Variants in GPN3 observed in about 807,000 individuals in gnomAD.
GPN3 encodes GPN-loop GTPase 3.
A neutral mutation model predicts 38.7 loss-of-function variants in GPN3; 31 were observed. The observed-to-expected ratio is 0.80, with a 90% confidence interval of 0.60 to 1.08. GPN3 has a LOEUF of 1.08. Among genes scored for constraint, GPN3 ranks in the 50% least tolerant of loss-of-function variants. The probability of loss-of-function intolerance (pLI) is 0.00; values close to 1 mark genes in which losing one functional copy is unlikely to be tolerated. For synonymous variants in GPN3, 116 were observed against 120.2 expected (o/e 0.96, Z 0.23); for missense variants, 301 against 354.4 (o/e 0.85, Z 1.21).
At position 110,459,875 on chromosome 12, in the gene GPN3, G is replaced by C; in HGVS notation, c.158-13C>G. 2 of 1,609,544 alleles carry C rather than the reference G, an allele frequency of 1.2e-6. No homozygotes were observed. Among genetic ancestry groups the C allele is most frequent in the Non-Finnish European group, 1.7e-6 (2 of 1,175,948 alleles). On this transcript the variant is annotated splice_polypyrimidine_tract_variant and intron_variant, in intron 2 of 7. Transcript: ENST00000228827. ...AGTTCCCGGATGTCTGAAAAGGACA[G>C]ATAGGGCCCAGAATATATGTGTCCC...
intron 2 of GPN3, among the ~76,000 whole-genome samples, chr12:110,462,162 A>G (rs1313733509): frequency 6.6e-6 from 1 of 152,150 alleles, no homozygotes; most frequent in Non-Finnish European, 1.5e-5. Flanking sequence ...TTTTTAACTA[A>G]GCTAGCTTAG....
chr12:110,454,757 G>A (rs894225460), intron 6 of GPN3, among the ~76,000 whole-genome samples: 1 of 151,802 alleles, frequency 6.6e-6, no homozygotes, highest in Admixed American at 6.6e-5. Context: ...TGACCTCCCA[G>A]GCTCAAGGGA....
intron 2 of GPN3, chr12:110,461,329 C>A: frequency 7.0e-6 from 5 of 717,210 alleles, no homozygotes; most frequent in Non-Finnish European, 4.7e-6. Context: ...TCACCACTTT[C>A]AAAAATCTAC....
Position 110,458,546 on chromosome 12 carries a change from C to T in GPN3, c.326-912G>A, listed in dbSNP as rs1005268411. ...CCAGTAATCCCAGCATTTGGGAGGC[C>T]GAGGCAGGTGAATCACCTAAGGTCC... is the stretch of plus-strand genomic sequence containing the variant. On this transcript the variant is annotated intron_variant, in intron 3 of 7. Coordinates refer to ENST00000228827, the MANE Select transcript of GPN3 (RefSeq NM_016301.4). This position sits in a 1 kb window ranked among gnomAD's most constrained non-coding sequence, Gnocchi z 4.4. Among the ~76,000 whole-genome samples the T allele has an allele frequency of 2.0e-5, 3 of 151,968 alleles. No individual in the cohort carries two copies. The highest frequency in any genetic ancestry group is 1.9e-4 in the East Asian group (1 of 5,198).
rs2062651657 is a variant in GPN3, at chr12:110,468,242, T to C, written c.-39A>G. 5 of 1,605,780 alleles carry C rather than the reference T, an allele frequency of 3.1e-6. No homozygotes were observed. The highest frequency in any genetic ancestry group is 4.2e-6 in the Non-Finnish European group (5 of 1,179,734). On this transcript the variant is annotated 5_prime_UTR_variant, in exon 1 of 8. Transcript: ENST00000228827. ...GCCGCCCGCCACACTCCCTTAGCCT[T>C]CGCGCGACGCCCACTGAGCTCCGGG...
chr12:110,456,073 TAATCCCA>T, intron 4 of GPN3, 143 bp from the exon 5 acceptor site: 1 of 586,026 alleles, frequency 1.7e-6, no homozygotes. Flanking sequence ...CTCATGCCTG[TAATCCCA>T]ACACTTGGGG....
upstream of GPN3, chr12:110,468,708 G>A: frequency 6.6e-7 from 1 of 1,511,886 alleles, no homozygotes; most frequent in Non-Finnish European, 8.8e-7. Context: ...CGACCGCAGC[G>A]CTCCTGCCCC....
chr12:110,465,155 A>G lies in GPN3; in HGVS notation c.108T>C (p.Val36=), dbSNP rs780605986. 1 of 1,612,400 alleles carries G rather than the reference A, an allele frequency of 6.2e-7. No individual in the cohort carries two copies. Among genetic ancestry groups the G allele is most frequent in the Non-Finnish European group, 8.5e-7 (1 of 1,178,366 alleles). Residue 36 remains valine (V), a synonymous_variant, in exon 2 of 8, where the codon GTT becomes GTC. Coordinates refer to ENST00000228827, the MANE Select transcript of GPN3 (RefSeq NM_016301.4). ...GTTCTGCTGCTGGATCCAGGTTTAC[A>G]ACTTGGACAGACCGGTTGAGGGCTT... ...HCEALNRSVQ[V]VNLDPAAEHF... is the part of the protein sequence containing the mutation.
chr12:110,468,199 G>C lies in GPN3; in HGVS notation c.5C>G (p.Pro2Arg), dbSNP rs1382740387. Reference protein sequence around the residue: MPRYAQLVMGPA... With the variant: MRRYAQLVMGPA... The stretch of plus-strand genomic sequence containing the variant: ...GCCCATGACCAGCTGCGCATACCGA[G>C]GCATGTTGGCTCCCGGAGCCGCCCG... The change falls in exon 1 of 8, where the codon CCT becomes CGT. Residue 2 changes from proline to arginine, a missense_variant. Physicochemically the swap from Pro to Arg is moderately radical, Grantham distance 103 (BLOSUM62 -2). Coordinates refer to ENST00000228827, the MANE Select transcript of GPN3 (RefSeq NM_016301.4). 1.9e-6 allele frequency: 3 copies of C among 1,608,024 alleles called. No homozygotes were observed. Among genetic ancestry groups the C allele is most frequent in the East Asian group, 4.5e-5 (2 of 44,862 alleles).
chr12:110,462,805 G>C (rs1007226987), intron 2 of GPN3, among the ~76,000 whole-genome samples: 3 of 151,842 alleles, frequency 2.0e-5, no homozygotes, highest in Non-Finnish European at 4.4e-5. Flanking sequence ...TGCCCAGGCT[G>C]GAGTTCAGTG....
In GPN3 at chr12:110,459,872, A is replaced by T. The variant is rs1412260973; in HGVS notation, c.158-10T>A. On this transcript the variant is annotated splice_polypyrimidine_tract_variant and intron_variant, in intron 2 of 7. Coordinates refer to ENST00000228827, the MANE Select transcript of GPN3 (RefSeq NM_016301.4). Reference sequence around the variant, plus strand: ...ATCAGTTCCCGGATGTCTGAAAAGGACAGATAGGGCCCAGAATATATGTGT... The same window carrying T: ...ATCAGTTCCCGGATGTCTGAAAAGGTCAGATAGGGCCCAGAATATATGTGT... The T allele has an allele frequency of 6.2e-7, 1 of 1,611,478 alleles. No homozygotes were observed. Among genetic ancestry groups the T allele is most frequent in the South Asian group, 1.1e-5 (1 of 90,988 alleles).
chr12:110,468,373 G>T (rs1178812894), upstream of GPN3: 11 of 1,522,188 alleles, frequency 7.2e-6, no homozygotes, highest in Middle Eastern at 5.3e-4. Context: ...TGAGAAACGC[G>T]TCCTGAGAAA....
At position 110,468,212 on chromosome 12, in the gene GPN3, C is replaced by T; in HGVS notation, c.-9G>A. The T allele has an allele frequency of 6.3e-7, 1 of 1,587,274 alleles. No homozygotes were observed. Among genetic ancestry groups the T allele is most frequent in the Non-Finnish European group, 8.5e-7 (1 of 1,171,386 alleles). ...TGCGCATACCGAGGCATGTTGGCTCCCGGAGCCGCCCGCCACACTCCCTTA... is the reference window on the plus strand; with the variant it reads ...TGCGCATACCGAGGCATGTTGGCTCTCGGAGCCGCCCGCCACACTCCCTTA... On this transcript the variant is annotated 5_prime_UTR_variant, in exon 1 of 8. Transcript: ENST00000228827.
At chr12:110,454,377 T>C (rs1051301864) in intron 6 of GPN3, among the ~76,000 whole-genome samples, 2 of 149,280 alleles carry the variant, frequency 1.3e-5, no homozygotes, top group African/African-American at 4.9e-5. Flanking sequence ...AAAAACTTCA[T>C]CTTTTTTTTT....
At chr12:110,468,106 C>T (rs2062649496) in intron 1 of GPN3, 50 bp downstream of exon 1, 3 of 1,613,872 alleles carry the variant, frequency 1.9e-6, no homozygotes, top group African/African-American at 2.7e-5. Context: ...CCCAATCTCC[C>T]GCCTTCCACG....
intron 6 of GPN3, among the ~76,000 whole-genome samples, chr12:110,454,522 T>C (rs971254370): frequency 4.6e-5 from 7 of 151,838 alleles, no homozygotes; most frequent in Non-Finnish European, 2.9e-5. Flanking sequence ...CCGGCTAATT[T>C]TGTATTTTTA....
chr12:110,455,433 T>TA (rs2062542794), intron 6 of GPN3, among the ~76,000 whole-genome samples, 153 bp downstream of exon 6: 1 of 151,898 alleles, frequency 6.6e-6, no homozygotes, highest in African/African-American at 2.4e-5. Context: ...TGGCCTAATT[T>TA]AAAAAATTTT....
chr12:110,460,984 C>G (rs1220430283), intron 2 of GPN3: 1 of 1,390,916 alleles, frequency 7.2e-7, no homozygotes, highest in African/African-American at 1.4e-5. Flanking sequence ...TTGGACCCAG[C>G]AGAATGGCTC....
chr12:110,457,611 G>C lies in GPN3; in HGVS notation c.349C>G (p.Leu117Val). 2 of 1,604,092 alleles carry C rather than the reference G, an allele frequency of 1.2e-6. No homozygotes were observed. Among genetic ancestry groups the C allele is most frequent in the South Asian group, 2.2e-5 (2 of 90,514 alleles). ...CPGQIELYTH[L>V]PVMKQLVQQL... ...TGGACCAGCTGTTTCATCACAGGCA[G>C]GTGAGTGTACAACTCAATCTGACCT... The change falls in exon 4 of 8, where the codon CTG becomes GTG. Residue 117 changes from leucine to valine, a missense_variant. Transcript: ENST00000228827.
Sources: allele counts gnomAD v4.1 joint callset (sites outside exome capture counted in the v4.1 genomes callset), GRCh38; gene constraint gnomAD v4.1.1; non-coding constraint Gnocchi (gnomAD v3.1); transcripts MANE v1.5; gene names NCBI Gene and HGNC (gene_info 2026-07-23, HGNC 2026-07-21).